HECW2: variants seen among roughly 807,000 people sequenced by gnomAD.
HECW2 encodes E3 ubiquitin-protein ligase HECW2.
A neutral mutation model predicts 175.2 loss-of-function variants in HECW2; 61 were observed. The ratio of observed to expected loss-of-function variants is 0.35; its 90% CI spans 0.28 to 0.43. The LOEUF (loss-of-function observed/expected upper bound fraction) is 0.43. Ranked by LOEUF, HECW2 falls within the 20% of genes least tolerant of loss-of-function variation. The pLI, the probability that HECW2 is intolerant of heterozygous loss-of-function variation, is 1.00. For missense variants in HECW2, 1,524 were observed against 2,000.5 expected, an observed-to-expected ratio of 0.76 and a Z score of 4.54; for synonymous variants, 671 against 731.0, an observed-to-expected ratio of 0.92 and a Z score of 1.32.
At chr2:196,420,288 C>T (rs965761209) in intron 2 of HECW2, among the ~76,000 whole-genome samples, 2 of 152,144 alleles carry the variant, frequency 1.3e-5, no homozygotes, top group Non-Finnish European at 2.9e-5. Context: ...TGAGGCAAGT[C>T]TGTATTTATT....
chr2:196,521,721 G>A (rs565553683), intron 1 of HECW2, among the ~76,000 whole-genome samples: 2 of 147,768 alleles, frequency 1.4e-5, no homozygotes, highest in African/African-American at 2.5e-5. Flanking sequence ...CTATGAGTGA[G>A]AATATGCAGT....
intron 19 of HECW2, among the ~76,000 whole-genome samples, chr2:196,247,764 C>T (rs1238361207): frequency 2.6e-5 from 4 of 152,166 alleles, no homozygotes; most frequent in African/African-American, 4.8e-5. Context: ...ATCCAACTCC[C>T]GGGCAGTCTC....
intron 2 of HECW2, among the ~76,000 whole-genome samples, chr2:196,367,683 A>G (rs1385448485): frequency 6.6e-6 from 1 of 151,976 alleles, no homozygotes; most frequent in Non-Finnish European, 1.5e-5. Context: ...TCTATCCTCT[A>G]TCTTCATGAG....
At chr2:196,378,844 G>C (rs182829424) in intron 2 of HECW2, among the ~76,000 whole-genome samples, 30 of 152,236 alleles carry the variant, frequency 2.0e-4, no homozygotes, top group Middle Eastern at 6.8e-3. Context: ...TTCTAACGAA[G>C]ACATTACGCT....
chr2:196,307,598 A>C (rs1691317338), intron 11 of HECW2, among the ~76,000 whole-genome samples: 1 of 152,230 alleles, frequency 6.6e-6, no homozygotes, highest in South Asian at 2.1e-4. Context: ...GAGAAGCCAC[A>C]AATAAAGATT....
intron 1 of HECW2, among the ~76,000 whole-genome samples, chr2:196,469,139 G>C (rs1214430383): frequency 1.4e-5 from 2 of 146,928 alleles, no homozygotes; most frequent in African/African-American, 5.3e-5. Flanking sequence ...GTGTGTGTGT[G>C]TGTGTGTGTG....
chr2:196,486,521 T>C (rs1221240059), intron 1 of HECW2, among the ~76,000 whole-genome samples: 1 of 151,798 alleles, frequency 6.6e-6, no homozygotes, highest in Non-Finnish European at 1.5e-5. Context: ...TACACAGGAG[T>C]GACCCTAACA....
At chr2:196,520,280 A>G (rs1688311406) in intron 1 of HECW2, among the ~76,000 whole-genome samples, 1 of 149,670 alleles carries the variant, frequency 6.7e-6, no homozygotes, top group Non-Finnish European at 1.5e-5. Context: ...AAAAAAAAAA[A>G]GATCCAGTGA....
rs535640086 is a variant in HECW2 at position 196,548,652 on chromosome 2, T to C, written c.-36+44856A>G. Among the ~76,000 whole-genome samples the C allele has an allele frequency of 3.3e-5, 5 of 152,326 alleles. No individual in the cohort carries two copies. The East Asian group carries it at 9.6e-4, about 29-fold the overall frequency. Reference sequence around the variant, plus strand: ...AAATGTTTGTCAGTCTTCTGAACTGTTACTTTACTGGGACTGCCATAAGAA... The same window carrying C: ...AAATGTTTGTCAGTCTTCTGAACTGCTACTTTACTGGGACTGCCATAAGAA... On this transcript the variant is annotated intron_variant, in intron 1 of 28. Transcript: ENST00000644978.
At chr2:196,256,831 G>C (rs1298010507) in intron 18 of HECW2, among the ~76,000 whole-genome samples, 1 of 152,198 alleles carries the variant, frequency 6.6e-6, no homozygotes, top group African/African-American at 2.4e-5. Context: ...CCCCACCATA[G>C]GTCCTATTCA....
intron 5 of HECW2, 132 bp downstream of exon 5, chr2:196,329,443 A>G (rs563046324): frequency 8.5e-6 from 5 of 591,584 alleles, no homozygotes; most frequent in African/African-American, 3.7e-5. Flanking sequence ...TTGAATTTTC[A>G]GAAGTATGAC....
intron 1 of HECW2, among the ~76,000 whole-genome samples, chr2:196,535,959 A>C (rs1462449659): frequency 6.6e-6 from 1 of 152,200 alleles, no homozygotes; most frequent in Non-Finnish European, 1.5e-5. Context: ...GACTATGAAA[A>C]ATACAATCAG....
intron 2 of HECW2, among the ~76,000 whole-genome samples, chr2:196,413,352 CT>C (rs563452309): frequency 0.033 from 4,919 of 147,280 alleles, 77 homozygotes; most frequent in Middle Eastern, 0.098. Flanking sequence ...AAGACCCTGT[CT>C]TTTTTTTTTT....
chr2:196,231,544 G>A (rs888808207), intron 21 of HECW2, among the ~76,000 whole-genome samples: 4 of 152,192 alleles, frequency 2.6e-5, no homozygotes, highest in South Asian at 2.1e-4. Context: ...GATGTTGTCC[G>A]CTTTCCTGCT....
chr2:196,327,010 T>G (rs889502844), intron 5 of HECW2, among the ~76,000 whole-genome samples: 2 of 152,230 alleles, frequency 1.3e-5, no homozygotes, highest in African/African-American at 4.8e-5. Context: ...ATTCATTTTC[T>G]TGCCTTTCTT....
At chr2:196,417,837 C>T (rs773907498) in intron 2 of HECW2, among the ~76,000 whole-genome samples, 4 of 152,130 alleles carry the variant, frequency 2.6e-5, no homozygotes, top group Non-Finnish European at 4.4e-5. Flanking sequence ...TCTAGATGTT[C>T]GCTGAATTCT....
At chr2:196,222,187 C>G in intron 24 of HECW2, 24 bp downstream of exon 24, 2 of 1,598,578 alleles carry the variant, frequency 1.3e-6, no homozygotes, top group Non-Finnish European at 1.7e-6. Context: ...CACACTTAGG[C>G]GCCAGGTGTG....
intron 1 of HECW2, among the ~76,000 whole-genome samples, chr2:196,441,375 CACACAA>C (rs904960656): frequency 4.3e-4 from 10 of 23,164 alleles, no homozygotes; most frequent in African/African-American, 1.3e-3. Flanking sequence ...ACAACACACA[CACACAA>C]ACACACACAC....
chr2:196,204,412 G>T (rs1686992243), intron 28 of HECW2, among the ~76,000 whole-genome samples: 1 of 152,068 alleles, frequency 6.6e-6, no homozygotes, highest in Non-Finnish European at 1.5e-5. Context: ...AAAGCCTTAG[G>T]ATTTCTTATT....
Sources: allele counts gnomAD v4.1 joint callset (sites outside exome capture counted in the v4.1 genomes callset), GRCh38; gene constraint gnomAD v4.1.1; transcripts MANE v1.5; gene names NCBI Gene and HGNC (gene_info 2026-07-23, HGNC 2026-07-21).